Variants in PNPLA6 observed in about 807,000 individuals in gnomAD.
PNPLA6 encodes the protein patatin-like phospholipase domain-containing protein 6.
PNPLA6 carries 105 observed loss-of-function variants against 153.7 expected under a neutral mutation model. That is an observed-to-expected ratio of 0.68 (90% CI 0.58 to 0.80). The LOEUF (loss-of-function observed/expected upper bound fraction) is 0.80, where lower values mean the gene tolerates loss of function less well. PNPLA6 is among the 30% of genes least tolerant of loss of function. The pLI is 0.00. For missense variants in PNPLA6, 1,423 were observed against 1,919.3 expected, an observed-to-expected ratio of 0.74 and a Z score of 4.83; for synonymous variants, 825 against 822.2, an observed-to-expected ratio of 1.00 and a Z score of -0.06.
chr19:7,558,478 A>G (rs1227222004), intron 27 of PNPLA6, among the ~76,000 whole-genome samples: 1 of 152,158 alleles, frequency 6.6e-6, no homozygotes, highest in Non-Finnish European at 1.5e-5. Flanking sequence ...CTAAAAATAC[A>G]AAAATTAGCT....
chr19:7,557,610 C>T (rs1278375821), intron 27 of PNPLA6: 2 of 374,688 alleles, frequency 5.3e-6, no homozygotes, highest in African/African-American at 2.1e-5. Flanking sequence ...ATGGTGAAAC[C>T]CCGTCTCTAC....
In PNPLA6 at chr19:7,540,326, G is replaced by C. The variant is rs1367216159; in HGVS notation, c.714+18G>C. The C allele has an allele frequency of 1.3e-6, 2 of 1,596,758 alleles. No homozygotes were observed. The highest frequency in any genetic ancestry group is 1.7e-5 in the Admixed American group (1 of 59,552). On this transcript the variant is annotated intron_variant, in intron 5 of 31. Transcript: ENST00000600737. This position sits in a 1 kb window ranked among gnomAD's most constrained non-coding sequence, Gnocchi z 6.8. The stretch of plus-strand genomic sequence containing the variant: ...CAGGGCCTGTGAGTGGGCCTCCCCA[G>C]GGGCTGCTGCAGGAGGATGGGTGGT...
chr19:7,537,552 A>T (rs1394871539), intron 3 of PNPLA6, among the ~76,000 whole-genome samples: 2 of 152,176 alleles, frequency 1.3e-5, no homozygotes, highest in African/African-American at 4.8e-5. Context: ...CATGTAGTCT[A>T]CCTGGAGGTC....
chr19:7,542,698 G>A, intron 11 of PNPLA6, 28 bp downstream of exon 11: 2 of 1,611,912 alleles, frequency 1.2e-6, no homozygotes, highest in Non-Finnish European at 1.7e-6. Context: ...GCCCGGTGGT[G>A]GAGCCCGCAG....
intron 28 of PNPLA6, among the ~76,000 whole-genome samples, chr19:7,559,411 C>T (rs2146117842): frequency 6.6e-6 from 1 of 152,216 alleles, no homozygotes; most frequent in East Asian, 1.9e-4. Context: ...ATTTCTACTG[C>T]CATTTCTGCA....
chr19:7,541,628 G>T lies in PNPLA6; in HGVS notation c.1112G>T (p.Arg371Met), dbSNP rs867211179. The T allele has an allele frequency of 6.3e-7, 1 of 1,589,508 alleles. No homozygotes were observed. The change falls in exon 9 of 32, where the codon AGG (arginine) becomes ATG (methionine). Residue 371 changes from arginine to methionine, a missense_variant. Physicochemically the swap from Arg to Met is moderately conservative, Grantham distance 91. Around this residue, in one of 10 missense-constraint regions of PNPLA6, gnomAD observed 267 missense variants for 255.1 expected, o/e 1.05. Transcript: ENST00000600737. This position sits in a 1 kb window ranked among gnomAD's most constrained non-coding sequence, Gnocchi z 5.2. The stretch of plus-strand genomic sequence containing the variant: ...AGCACCTCAGCTACAGACGAGCCCA[G>T]GGAGACCCCAGGGCGGCCACCCGAT... Reference protein sequence around the residue: ...MVSTSATDEPRETPGRPPDPT... With the variant: ...MVSTSATDEPMETPGRPPDPT...
chr19:7,541,145 C>A lies in PNPLA6; in HGVS notation c.924+94C>A. On this transcript the variant is annotated intron_variant, in intron 7 of 31. Transcript: ENST00000600737. The surrounding 1 kb of genome is among the most constrained non-coding windows in gnomAD (Gnocchi z 5.2). ...CAAGGGACCGAGGCCCAGCAGCCAG[C>A]AGGCGCTGGAGCTGTGGTTATCGGC... The A allele has an allele frequency of 7.0e-7, 1 of 1,424,648 alleles. No homozygotes were observed. Among genetic ancestry groups the A allele is most frequent in the Non-Finnish European group, 9.7e-7 (1 of 1,030,672 alleles). 88.3% of individuals were successfully genotyped at this position (1,424,648 alleles called of 1,614,324 possible). A position where few individuals can be genotyped will look rare whatever the true frequency, so the allele number is the denominator to read the frequency against.
At chr19:7,554,120 C>T in intron 19 of PNPLA6, 89 bp from the exon 20 acceptor site, 1 of 1,572,696 alleles carries the variant, frequency 6.4e-7, no homozygotes, top group Non-Finnish European at 8.8e-7. Context: ...AACAGGGCCA[C>T]AGGGGCGGGG....
chr19:7,545,440 A>G (rs1392021657), intron 13 of PNPLA6, among the ~76,000 whole-genome samples: 1 of 152,188 alleles, frequency 6.6e-6, no homozygotes, highest in Non-Finnish European at 1.5e-5. Context: ...ACTGGGTACC[A>G]GACAGGTTGG....
intron 3 of PNPLA6, among the ~76,000 whole-genome samples, chr19:7,537,616 G>A (rs575801871): frequency 6.6e-6 from 1 of 152,132 alleles, no homozygotes; most frequent in South Asian, 2.1e-4. Context: ...CAATAGTCCT[G>A]CAATGGCAGT....
At chr19:7,553,503 G>T (rs534758) in intron 18 of PNPLA6, among the ~76,000 whole-genome samples, 51,347 of 152,060 alleles carry the variant, frequency 0.34, 8,767 homozygotes, top group Middle Eastern at 0.44. Context: ...TTATGTTCAG[G>T]TCCCCCATTA....
At chr19:7,554,419 C>A (rs2023781084) in intron 20 of PNPLA6, 136 bp from the exon 21 acceptor site, 1 of 1,248,396 alleles carries the variant, frequency 8.0e-7, no homozygotes, top group Non-Finnish European at 1.2e-6. Flanking sequence ...TGGTGTGAAT[C>A]TGCCCACCGG....
intron 27 of PNPLA6, chr19:7,557,540 T>A (rs528363285): frequency 1.9e-6 from 1 of 515,808 alleles, no homozygotes; most frequent in South Asian, 1.8e-5. Flanking sequence ...CCCAGCACTT[T>A]GGGAGGCCTG....
chr19:7,560,868 G>A, intron 29 of PNPLA6, 104 bp downstream of exon 29: 2 of 886,646 alleles, frequency 2.3e-6, no homozygotes, highest in South Asian at 1.4e-5. Context: ...ATGTCCCTGG[G>A]TTTTGCTGAG....
At chr19:7,547,988 T>C (rs2146079799) in intron 13 of PNPLA6, among the ~76,000 whole-genome samples, 1 of 145,700 alleles carries the variant, frequency 6.9e-6, no homozygotes, top group East Asian at 2.0e-4. Context: ...AAATCAGGGG[T>C]GTCCAATCTT....
At position 7,541,259 on chromosome 19, in the gene PNPLA6, G is replaced by T. The variant is rs377631051; in HGVS notation, c.925-95G>T. 68 of 1,219,884 alleles carry T rather than the reference G, an allele frequency of 5.6e-5. No individual in the cohort carries two copies. In the African/African-American group the frequency reaches 6.4e-4, roughly 12 times the overall value. 75.6% of individuals were successfully genotyped at this position (1,219,884 alleles called of 1,614,324 possible). On this transcript the variant is annotated intron_variant, in intron 7 of 31. Coordinates refer to ENST00000600737, the MANE Select transcript of PNPLA6 (RefSeq NM_001166114.2). This position sits in a 1 kb window ranked among gnomAD's most constrained non-coding sequence, Gnocchi z 5.2. ...GACTGTGGGTCTCTCCCTGGTTCCC[G>T]CCCGACCCCTTATGCTGCGAACTAG...
At position 7,545,499 on chromosome 19, in the gene PNPLA6, C is replaced by A. The variant is rs557750356; in HGVS notation, c.1608+2415C>A. On this transcript the variant is annotated intron_variant, in intron 13 of 31. Transcript: ENST00000600737. ...CTCCATTTCTGGGCGGTTTCAGTTC[C>A]TTATTTATAAAGGGATGGAACAGGA... Among the ~76,000 whole-genome samples, 7 of 152,194 alleles carry A rather than the reference C, an allele frequency of 4.6e-5. No homozygotes were observed. In the East Asian group the frequency reaches 7.7e-4, roughly 17 times the overall value.
intron 26 of PNPLA6, 31 bp from the exon 27 acceptor site, chr19:7,557,137 C>A: frequency 1.3e-6 from 2 of 1,497,772 alleles, no homozygotes; most frequent in Non-Finnish European, 9.3e-7. Flanking sequence ...CGTGTCTGTG[C>A]GTGTTTGTGT....
chr19:7,549,614 G>A (rs2023555080), intron 13 of PNPLA6: 1 of 456,994 alleles, frequency 2.2e-6, no homozygotes, highest in African/African-American at 2.0e-5. Flanking sequence ...TCAGCTTCCT[G>A]AGTAGCTGGA....
Sources: allele counts gnomAD v4.1 joint callset (sites outside exome capture counted in the v4.1 genomes callset), GRCh38; gene constraint gnomAD v4.1.1; regional missense constraint gnomAD v4.1.1; non-coding constraint Gnocchi (gnomAD v3.1); transcripts MANE v1.5; gene names NCBI Gene and HGNC (gene_info 2026-07-23, HGNC 2026-07-21).